The following NELL1 variants were observed in gnomAD, a reference collection of about 807,000 sequenced individuals.
NELL1 encodes neural EGFL like 1.
A neutral mutation model predicts 107.4 loss-of-function variants in NELL1; 76 were observed. The observed-to-expected ratio is 0.71, with a 90% confidence interval of 0.59 to 0.86. The LOEUF (loss-of-function observed/expected upper bound fraction) is 0.86, where lower values mean the gene tolerates loss of function less well. NELL1 is among the 40% of genes least tolerant of loss of function. The probability of loss-of-function intolerance (pLI) is 0.00; values close to 1 mark genes in which losing one functional copy is unlikely to be tolerated. For synonymous variants in NELL1, 353 were observed against 341.2 expected (o/e 1.03, Z -0.38); for missense variants, 1,024 against 1,005.5 (o/e 1.02, Z -0.25).
At chr11:21,515,424 G>T (rs143969314) in intron 15 of NELL1, among the ~76,000 whole-genome samples, 1 of 152,094 alleles carries the variant, frequency 6.6e-6, no homozygotes, top group East Asian at 1.9e-4. Context: ...TTCTCTGTGG[G>T]GGGCCTTCCT....
At chr11:21,121,429 T>A (rs1187193992) in intron 13 of NELL1, among the ~76,000 whole-genome samples, 1 of 152,076 alleles carries the variant, frequency 6.6e-6, no homozygotes. Flanking sequence ...TGGGAAGATG[T>A]TGAATCTTTA....
At chr11:21,099,251 ACG>A (rs1854742643) in intron 12 of NELL1, among the ~76,000 whole-genome samples, 1 of 151,162 alleles carries the variant, frequency 6.6e-6, no homozygotes, top group Non-Finnish European at 1.5e-5. Flanking sequence ...ACACACACAC[ACG>A]GATCAGCTGT....
At chr11:20,753,363 C>A (rs1856187084) in intron 2 of NELL1, among the ~76,000 whole-genome samples, 1 of 152,134 alleles carries the variant, frequency 6.6e-6, no homozygotes, top group African/African-American at 2.4e-5. Flanking sequence ...AGAAATTAAA[C>A]AGATGGTAAC....
intron 15 of NELL1, among the ~76,000 whole-genome samples, chr11:21,404,582 C>A (rs1449499671): frequency 6.6e-6 from 1 of 151,948 alleles, no homozygotes; most frequent in Non-Finnish European, 1.5e-5. Context: ...GGAATTATAA[C>A]TTCCCCTTTC....
At chr11:20,954,521 G>A (rs933181475) in intron 11 of NELL1, among the ~76,000 whole-genome samples, 1 of 152,150 alleles carries the variant, frequency 6.6e-6, no homozygotes, top group African/African-American at 2.4e-5. Context: ...GCCCCTTAGG[G>A]ATTATAATTT....
chr11:21,119,606 G>A (rs1361013304), intron 13 of NELL1, among the ~76,000 whole-genome samples: 1 of 152,004 alleles, frequency 6.6e-6, no homozygotes, highest in African/African-American at 2.4e-5. Flanking sequence ...AAAACATTTG[G>A]CCTTTGACCC....
chr11:20,704,185 C>G (rs1471177267), intron 2 of NELL1, among the ~76,000 whole-genome samples: 1 of 152,174 alleles, frequency 6.6e-6, no homozygotes, highest in African/African-American at 2.4e-5. Flanking sequence ...AATCTGGGAG[C>G]TGCTGTATTG....
At chr11:20,867,877 AAG>A in intron 4 of NELL1, among the ~76,000 whole-genome samples, 1 of 152,300 alleles carries the variant, frequency 6.6e-6, no homozygotes, top group African/African-American at 2.4e-5. Flanking sequence ...GGATATTAGA[AAG>A]AGTCTCAAAA....
chr11:21,046,329 T>C (rs1257491672), intron 12 of NELL1, among the ~76,000 whole-genome samples: 4 of 152,162 alleles, frequency 2.6e-5, no homozygotes, highest in African/African-American at 4.8e-5. Flanking sequence ...TCATATATGT[T>C]CTTACTACCA....
At chr11:20,871,648 T>C (rs1849200427) in intron 4 of NELL1, among the ~76,000 whole-genome samples, 1 of 151,474 alleles carries the variant, frequency 6.6e-6, no homozygotes, top group Non-Finnish European at 1.5e-5. Context: ...TTTTTATTCA[T>C]GTAGAAAAAC....
chr11:21,365,153 T>A (rs1851190487), intron 14 of NELL1, among the ~76,000 whole-genome samples: 1 of 152,338 alleles, frequency 6.6e-6, no homozygotes, highest in South Asian at 2.1e-4. Context: ...CAGTAGCATT[T>A]ATCACATTTT....
intron 12 of NELL1, among the ~76,000 whole-genome samples, chr11:21,060,129 C>T (rs533932261): frequency 6.6e-6 from 1 of 152,188 alleles, no homozygotes; most frequent in Non-Finnish European, 1.5e-5. Context: ...ATGCTGTCAC[C>T]ATTCATTTCT....
At chr11:20,703,463 A>G (rs1233998108) in intron 2 of NELL1, among the ~76,000 whole-genome samples, 1 of 152,048 alleles carries the variant, frequency 6.6e-6, no homozygotes, top group Non-Finnish European at 1.5e-5. Context: ...TCCCGGATTC[A>G]TTGGTTTTTT....
chr11:21,174,280 T>C (rs1240161882), intron 13 of NELL1, among the ~76,000 whole-genome samples: 1 of 151,818 alleles, frequency 6.6e-6, no homozygotes, highest in Non-Finnish European at 1.5e-5. Flanking sequence ...ATTACCAAAC[T>C]CTCCCTGCTT....
chr11:21,159,961 C>T (rs1360309894), intron 13 of NELL1, among the ~76,000 whole-genome samples: 1 of 152,190 alleles, frequency 6.6e-6, no homozygotes, highest in African/African-American at 2.4e-5. Flanking sequence ...GACCTAACAA[C>T]CAGAATGTCC....
At chr11:21,126,058 A>T (rs534701059) in intron 13 of NELL1, among the ~76,000 whole-genome samples, 2 of 152,316 alleles carry the variant, frequency 1.3e-5, no homozygotes, top group South Asian at 4.1e-4. Flanking sequence ...TCTACACATG[A>T]GGAATCTATG....
intron 13 of NELL1, among the ~76,000 whole-genome samples, chr11:21,147,271 T>G (rs1163598779): frequency 6.6e-6 from 1 of 152,152 alleles, no homozygotes; most frequent in African/African-American, 2.4e-5. Flanking sequence ...GCTGAGAGTT[T>G]TCTCAGAGCC....
At chr11:20,825,036 C>T (rs1217072338) in intron 3 of NELL1, among the ~76,000 whole-genome samples, 1 of 151,244 alleles carries the variant, frequency 6.6e-6, no homozygotes, top group East Asian at 1.9e-4. Context: ...GTTCCCTGAG[C>T]CAGGCCATTG....
intron 3 of NELL1, among the ~76,000 whole-genome samples, chr11:20,841,462 T>A (rs1419974474): frequency 1.3e-5 from 2 of 152,024 alleles, no homozygotes; most frequent in Non-Finnish European, 2.9e-5. Flanking sequence ...CACTTACCTC[T>A]CCTTCCTCTC....
Sources: gnomAD v4.1 joint callset for allele counts (sites outside exome capture counted in the v4.1 genomes callset) on GRCh38, gnomAD v4.1.1 for gene constraint, MANE v1.5 for transcripts, NCBI Gene and HGNC (gene_info 2026-07-23, HGNC 2026-07-21) for gene names.